PALM2AKAP2: variants seen among roughly 807,000 people sequenced by gnomAD.
The protein encoded by PALM2AKAP2 is PALM2 and AKAP2 fusion, also known as PALM2-AKAP2 fusion protein.
Under a neutral mutation model 71.5 loss-of-function variants are expected in PALM2AKAP2, and 37 were observed. The observed-to-expected ratio is 0.52, with a 90% CI of 0.40 to 0.68. The LOEUF is 0.68. Among genes scored for constraint, PALM2AKAP2 ranks in the 30% least tolerant of loss-of-function variants. The pLI is 0.00. For synonymous variants in PALM2AKAP2, 468 were observed against 478.8 expected, an observed-to-expected ratio of 0.98 and a Z score of 0.29; for missense variants, 1,224 against 1,191.8, an observed-to-expected ratio of 1.03 and a Z score of -0.40.
chr9:110,103,353 G>A (rs1835044599), intron 1 of PALM2AKAP2, among the ~76,000 whole-genome samples: 1 of 152,322 alleles, frequency 6.6e-6, no homozygotes, highest in Admixed American at 6.5e-5. Flanking sequence ...ACAGTACTCA[G>A]ATCTCAAGCT....
At chr9:109,746,677 G>C (rs1363575796) in intron 1 of PALM2AKAP2, among the ~76,000 whole-genome samples, 1 of 152,140 alleles carries the variant, frequency 6.6e-6, no homozygotes, top group South Asian at 2.1e-4. Context: ...TGTGGATCTG[G>C]TTCAGGCACT....
At chr9:109,865,938 A>G (rs1829437956) in intron 1 of PALM2AKAP2, among the ~76,000 whole-genome samples, 1 of 152,170 alleles carries the variant, frequency 6.6e-6, no homozygotes, top group African/African-American at 2.4e-5. Flanking sequence ...CCACTGTCAT[A>G]TATTTTATGG....
intron 7 of PALM2AKAP2, among the ~76,000 whole-genome samples, chr9:110,033,857 C>T (rs997044479): frequency 1.3e-5 from 2 of 152,138 alleles, no homozygotes; most frequent in Admixed American, 6.5e-5. Flanking sequence ...ATAGCTAATA[C>T]TAATTGAGAA....
rs571275622 is a variant in PALM2AKAP2, at chr9:109,831,764, C to G, written c.46-35727C>G. ...TACATAAAATAATCAATTCATTCCT[C>G]TGATGGGGCAACTATTTAAGTCAGT... On this transcript the variant is annotated intron_variant, in intron 1 of 9. Transcript: ENST00000302798. 4.6e-5 allele frequency among the ~76,000 whole-genome samples: 7 copies of G among 152,322 alleles called. No individual in the cohort carries two copies. The East Asian group carries it at 1.3e-3, about 29-fold the overall frequency.
chr9:110,026,516 G>A (rs900580149), intron 7 of PALM2AKAP2, among the ~76,000 whole-genome samples: 23 of 152,084 alleles, frequency 1.5e-4, no homozygotes, highest in African/African-American at 3.4e-4. Context: ...AAGGGTACCC[G>A]TCTGTGGCGT....
At chr9:110,111,094 T>TC (rs894341590) in intron 1 of PALM2AKAP2, among the ~76,000 whole-genome samples, 3 of 130,002 alleles carry the variant, frequency 2.3e-5, no homozygotes, top group African/African-American at 8.7e-5. Flanking sequence ...TTCTTTTTTT[T>TC]TTTTTTTTTT....
chr9:109,689,924 T>A lies in PALM2AKAP2; in HGVS notation c.5+49058T>A, dbSNP rs76244936. On this transcript the variant is annotated intron_variant, in intron 1 of 6. Coordinates refer to the PALM2AKAP2 transcript ENST00000374531. ...AACTGAATGACTCCCAGGGGAGGAG[T>A]AAGCTAGAAGTGGAATGAGGCCAGG... Among the ~76,000 whole-genome samples the A allele has an allele frequency of 7.3e-4, 111 of 151,840 alleles. 1 individual carries two copies. In the East Asian group the frequency reaches 0.017, roughly 23 times the overall value.
chr9:109,937,856 C>G (rs74590275), intron 6 of PALM2AKAP2, among the ~76,000 whole-genome samples: 1 of 152,178 alleles, frequency 6.6e-6, no homozygotes, highest in African/African-American at 2.4e-5. Context: ...AAAGCCCTCA[C>G]CCCTCAACAG....
chr9:109,887,166 A>G (rs1353820359), intron 3 of PALM2AKAP2, among the ~76,000 whole-genome samples: 1 of 152,258 alleles, frequency 6.6e-6, no homozygotes, highest in East Asian at 1.9e-4. Context: ...CTTATTAAGC[A>G]TCTGTATGTT....
intron 6 of PALM2AKAP2, chr9:109,943,955 G>A (rs1190751321): frequency 6.5e-6 from 1 of 153,902 alleles, no homozygotes; most frequent in African/African-American, 2.4e-5. Context: ...CTAGGGTGAT[G>A]CTTTTTGCTG....
chr9:109,696,638 A>G (rs1297500862), intron 1 of PALM2AKAP2, among the ~76,000 whole-genome samples: 2 of 152,206 alleles, frequency 1.3e-5, no homozygotes, highest in Non-Finnish European at 2.9e-5. Context: ...CAAGGATATC[A>G]GCATTGCCTG....
chr9:109,906,953 G>C (rs1002754075), intron 3 of PALM2AKAP2, among the ~76,000 whole-genome samples: 2 of 152,160 alleles, frequency 1.3e-5, no homozygotes, highest in African/African-American at 4.8e-5. Flanking sequence ...CACTCAGATA[G>C]GCCAGTCCTA....
intron 1 of PALM2AKAP2, among the ~76,000 whole-genome samples, chr9:109,800,249 A>G (rs1288489558): frequency 6.6e-6 from 1 of 152,254 alleles, no homozygotes; most frequent in Non-Finnish European, 1.5e-5. Context: ...TTTTAGGGCC[A>G]AAGAACTAAT....
At chr9:109,855,778 T>C (rs1459222248) in intron 1 of PALM2AKAP2, among the ~76,000 whole-genome samples, 1 of 152,212 alleles carries the variant, frequency 6.6e-6, no homozygotes, top group African/African-American at 2.4e-5. Context: ...ACAACTTGGC[T>C]ATGCAGTAAT....
At chr9:109,766,416 T>C (rs558224402) in intron 1 of PALM2AKAP2, among the ~76,000 whole-genome samples, 1 of 152,328 alleles carries the variant, frequency 6.6e-6, no homozygotes, top group East Asian at 1.9e-4. Context: ...AAAATGGGAA[T>C]GACTGACAGG....
intron 1 of PALM2AKAP2, among the ~76,000 whole-genome samples, chr9:109,649,138 G>A (rs1249947180): frequency 2.6e-5 from 4 of 151,212 alleles, no homozygotes; most frequent in African/African-American, 7.3e-5. Context: ...ATTTCTTACT[G>A]TAAGTCATTG....
At chr9:110,085,183 G>A (rs1412555092) in intron 1 of PALM2AKAP2, among the ~76,000 whole-genome samples, 1 of 152,198 alleles carries the variant, frequency 6.6e-6, no homozygotes, top group East Asian at 1.9e-4. Flanking sequence ...TGACCCGTAG[G>A]AATTGTTGTT....
At chr9:110,138,475 G>A (rs376606574) in exon 2 of PALM2AKAP2, 9 of 1,614,008 alleles carry the variant, frequency 5.6e-6, no homozygotes, top group African/African-American at 4.0e-5. Context: ...TGCAGAGTAC[G>A]CAGAGCCCCA....
intron 1 of PALM2AKAP2, among the ~76,000 whole-genome samples, chr9:110,113,958 C>T (rs1021506352): frequency 6.6e-6 from 1 of 152,262 alleles, no homozygotes. Context: ...CATTGAAGTC[C>T]TACCATGTTC....
Sources: allele counts gnomAD v4.1 joint callset (sites outside exome capture counted in the v4.1 genomes callset), GRCh38; gene constraint gnomAD v4.1.1; transcripts MANE v1.5; gene names NCBI Gene and HGNC (gene_info 2026-07-23, HGNC 2026-07-21).